The following COL28A1 variants were observed in gnomAD, a reference collection of about 807,000 sequenced individuals.
The protein encoded by COL28A1 is collagen alpha-1(XXVIII) chain.
In COL28A1, 161 loss-of-function variants were observed where a neutral mutation model predicts 150.2. The observed-to-expected ratio is 1.07, with a 90% confidence interval of 0.94 to 1.22. The LOEUF (loss-of-function observed/expected upper bound fraction) is 1.22. COL28A1 is among the 50% of genes most tolerant of loss of function. The probability of loss-of-function intolerance (pLI) is 0.00; values close to 1 mark genes in which losing one functional copy is unlikely to be tolerated. For missense variants in COL28A1, 1,617 were observed against 1,388.3 expected, an observed-to-expected ratio of 1.16 and a Z score of -2.62; for synonymous variants, 552 against 469.7, an observed-to-expected ratio of 1.18 and a Z score of -2.26.
chr7:7,539,830 CTTTTA>C (rs1050672149), upstream of COL28A1, among the ~76,000 whole-genome samples: 109 of 152,156 alleles, frequency 7.2e-4, no homozygotes, highest in African/African-American at 2.6e-3. Flanking sequence ...ACTCAATTAT[CTTTTA>C]TATCGTTTAC....
chr7:7,387,391 A>AT (rs1255783010), intron 27 of COL28A1, among the ~76,000 whole-genome samples: 8 of 152,204 alleles, frequency 5.3e-5, no homozygotes, highest in Admixed American at 3.9e-4. Flanking sequence ...GTTAAAAAGA[A>AT]TTAGATAAAC....
intron 6 of COL28A1, 138 bp from the exon 7 acceptor site, chr7:7,517,975 A>T: frequency 3.7e-5 from 33 of 888,634 alleles, no homozygotes; most frequent in Non-Finnish European, 4.7e-5. Flanking sequence ...CATTTTCACT[A>T]TGCAATCTAG....
downstream of COL28A1, chr7:7,356,863 A>G (rs533859649): frequency 1.1e-4 from 16 of 152,254 alleles, no homozygotes; most frequent in African/African-American, 3.9e-4. Flanking sequence ...ATTGACAAAC[A>G]TGTTGCATTA....
Position 7,511,226 on chromosome 7 carries a change from A to G in COL28A1, c.883-91T>C, listed in dbSNP as rs1041979126. 2.9e-6 allele frequency: 3 copies of G among 1,025,630 alleles called. No homozygotes were observed. In the African/African-American group the frequency reaches 4.8e-5, roughly 17 times the overall value. The allele number at this position is 1,025,630 out of a possible 1,614,324, so 63.5% of individuals were successfully genotyped here. ...TTTGTTTGTTTTTTAAATTCCCAGC[A>G]GACTCTTGTAACATAAGCACTCTTT... On this transcript the variant is annotated intron_variant, in intron 8 of 34. Transcript: ENST00000399429.
chr7:7,458,451 A>G (rs974062951), intron 15 of COL28A1, among the ~76,000 whole-genome samples: 1 of 151,990 alleles, frequency 6.6e-6, no homozygotes, highest in Non-Finnish European at 1.5e-5. Context: ...AACAAACAAA[A>G]AAAACAAACA....
chr7:7,405,067 T>C (rs1048110225), intron 27 of COL28A1, among the ~76,000 whole-genome samples: 9 of 152,174 alleles, frequency 5.9e-5, no homozygotes, highest in African/African-American at 1.7e-4. Flanking sequence ...TAATCATTTA[T>C]TGAATAAATT....
chr7:7,442,595 T>C (rs1785898607), intron 20 of COL28A1, among the ~76,000 whole-genome samples: 2 of 152,226 alleles, frequency 1.3e-5, no homozygotes, highest in African/African-American at 2.4e-5. Flanking sequence ...GATTAAGGAT[T>C]CAATTTTAGT....
chr7:7,541,872 CAGAT>C, the COL28A1 span, among the ~76,000 whole-genome samples: 5 of 151,342 alleles, frequency 3.3e-5, no homozygotes, highest in Admixed American at 3.3e-4. Context: ...GGATAGAAAA[CAGAT>C]AGATGCAGTC....
At chr7:7,478,694 G>C (rs374276393) in intron 13 of COL28A1, among the ~76,000 whole-genome samples, 2 of 152,272 alleles carry the variant, frequency 1.3e-5, no homozygotes, top group African/African-American at 4.8e-5. Flanking sequence ...GCCCCGCGGA[G>C]AGGCAGCTAA....
intron 27 of COL28A1, among the ~76,000 whole-genome samples, chr7:7,409,633 G>A (rs550864544): frequency 1.3e-5 from 2 of 152,202 alleles, no homozygotes; most frequent in Admixed American, 1.3e-4. Context: ...ATCAGCACAT[G>A]GTACTGAACA....
intron 9 of COL28A1, 89 bp downstream of exon 9, chr7:7,511,002 C>A (rs1018391676): frequency 4.0e-6 from 4 of 1,000,610 alleles, no homozygotes; most frequent in East Asian, 2.4e-5. Context: ...GTAGTGAGAT[C>A]ACCATAATTC....
chr7:7,485,195 A>T (rs967042367), intron 13 of COL28A1, among the ~76,000 whole-genome samples: 4 of 152,206 alleles, frequency 2.6e-5, no homozygotes, highest in African/African-American at 9.6e-5. Flanking sequence ...ATATGTAAAA[A>T]TATATACAAG....
At chr7:7,486,270 T>C (rs1286727284) in intron 13 of COL28A1, among the ~76,000 whole-genome samples, 1 of 152,184 alleles carries the variant, frequency 6.6e-6, no homozygotes, top group Non-Finnish European at 1.5e-5. Flanking sequence ...AGAAATTAAA[T>C]AGATTTTGTA....
At chr7:7,367,228 A>G (rs1004587480) in intron 33 of COL28A1, among the ~76,000 whole-genome samples, 3 of 152,212 alleles carry the variant, frequency 2.0e-5, no homozygotes, top group Non-Finnish European at 4.4e-5. Flanking sequence ...AGGCTATACT[A>G]TCTAGATTTG....
At chr7:7,414,161 C>A (rs1783939949) in intron 27 of COL28A1, among the ~76,000 whole-genome samples, 1 of 152,200 alleles carries the variant, frequency 6.6e-6, no homozygotes, top group Non-Finnish European at 1.5e-5. Context: ...CCTGGCCTCA[C>A]AATGGCTACT....
At chr7:7,541,131 C>A in the COL28A1 span, among the ~76,000 whole-genome samples, 5 of 152,180 alleles carry the variant, frequency 3.3e-5, no homozygotes, top group African/African-American at 1.2e-4. Flanking sequence ...TAAGCCGTTA[C>A]AATGCTGGTT....
intron 7 of COL28A1, among the ~76,000 whole-genome samples, chr7:7,517,096 A>G (rs191355654): frequency 2.0e-4 from 30 of 152,260 alleles, no homozygotes; most frequent in African/African-American, 6.7e-4. Context: ...CCTGAACACA[A>G]ATTTCAGATT....
intron 3 of COL28A1, 93 bp downstream of exon 3, chr7:7,531,255 A>G (rs924911598): frequency 1.4e-5 from 8 of 561,776 alleles, no homozygotes; most frequent in Non-Finnish European, 2.2e-5. Context: ...CATTTTCTCC[A>G]TCTTTTTGAC....
intron 9 of COL28A1, among the ~76,000 whole-genome samples, chr7:7,510,214 T>C (rs555459855): frequency 1.3e-5 from 2 of 152,336 alleles, no homozygotes; most frequent in East Asian, 3.9e-4. Context: ...TCTCTGTATA[T>C]ATTTGGCCTT....
Sources: allele counts gnomAD v4.1 joint callset (sites outside exome capture counted in the v4.1 genomes callset), GRCh38; gene constraint gnomAD v4.1.1; transcripts MANE v1.5; gene names NCBI Gene and HGNC (gene_info 2026-07-23, HGNC 2026-07-21).